Variants in HCN1 observed in about 807,000 individuals in gnomAD.
HCN1 encodes the protein potassium/sodium hyperpolarization-activated cyclic nucleotide-gated channel 1.
HCN1 carries 13 observed loss-of-function variants against 78.9 expected under a neutral mutation model. The ratio of observed to expected loss-of-function variants is 0.16; its 90% confidence interval spans 0.11 to 0.26. The LOEUF (loss-of-function observed/expected upper bound fraction) is 0.26, where lower values mean the gene tolerates loss of function less well. Ranked by LOEUF, HCN1 falls within the 10% of genes least tolerant of loss-of-function variation. The probability of loss-of-function intolerance (pLI) is 1.00; values close to 1 mark genes in which losing one functional copy is unlikely to be tolerated. For missense variants in HCN1, 810 were observed against 1,154.3 expected (o/e 0.70, Z 4.32); for synonymous variants, 552 against 455.5 (o/e 1.21, Z -2.70).
intron 1 of HCN1, among the ~76,000 whole-genome samples, chr5:45,657,811 C>G (rs893685018): frequency 6.6e-6 from 1 of 152,186 alleles, no homozygotes; most frequent in Non-Finnish European, 1.5e-5. Context: ...AATGGCCATA[C>G]TGCCCAAGGT....
At chr5:45,448,763 C>T (rs1012250045) in intron 3 of HCN1, among the ~76,000 whole-genome samples, 5 of 152,118 alleles carry the variant, frequency 3.3e-5, no homozygotes, top group African/African-American at 1.2e-4. Flanking sequence ...TCAACTCTAA[C>T]TCACACACAA....
chr5:45,303,817 C>G lies in HCN1; in HGVS notation c.1400G>C (p.Arg467Pro), dbSNP rs773990933. ...LREEIVNFNC[R>P]KLVATMPLFA... ...TAAAGGCATTGTAGCCACCAGTTTC[C>G]GACAGTTGAAGTTGACTATCTCCTA... The change falls in exon 6 of 8, where the codon CGG becomes CCG. Residue 467 changes from arginine (R) to proline (P), a missense_variant. Around this residue, in one of 6 missense-constraint regions of HCN1, gnomAD observed 100 missense variants for 126.8 expected, o/e 0.79. Transcript: ENST00000303230. 1.9e-6 allele frequency: 3 copies of G among 1,613,020 alleles called. No homozygotes were observed. The highest frequency in any genetic ancestry group is 1.7e-5 in the Admixed American group (1 of 59,870).
At chr5:45,689,899 A>G (rs940508153) in intron 1 of HCN1, among the ~76,000 whole-genome samples, 5 of 152,154 alleles carry the variant, frequency 3.3e-5, no homozygotes, top group African/African-American at 9.7e-5. Flanking sequence ...TGTAAATATC[A>G]TAACAGGAAT....
intron 5 of HCN1, among the ~76,000 whole-genome samples, chr5:45,335,297 CAT>C (rs1482794951): frequency 1.3e-5 from 2 of 152,036 alleles, no homozygotes; most frequent in South Asian, 2.1e-4. Flanking sequence ...AACAGGCACT[CAT>C]AAACAGAAGG....
intron 2 of HCN1, among the ~76,000 whole-genome samples, chr5:45,548,609 C>A (rs1449920471): frequency 6.6e-6 from 1 of 152,074 alleles, no homozygotes; most frequent in Non-Finnish European, 1.5e-5. Flanking sequence ...CCTCTCTCAC[C>A]ACTCCTATTC....
chr5:45,544,794 A>G (rs1356574639), intron 2 of HCN1, among the ~76,000 whole-genome samples: 2 of 151,842 alleles, frequency 1.3e-5, no homozygotes, highest in Non-Finnish European at 2.9e-5. Context: ...CTTTTTCATG[A>G]CTGCATAGTA....
intron 4 of HCN1, among the ~76,000 whole-genome samples, chr5:45,387,773 G>T (rs1747956552): frequency 6.6e-6 from 1 of 152,098 alleles, no homozygotes; most frequent in Non-Finnish European, 1.5e-5. Context: ...TCCCAGGGAT[G>T]CCTAAAACTG....
rs559232041 is a variant in HCN1 at position 45,393,982 on chromosome 5, A to G, written c.1230+2510T>C. On this transcript the variant is annotated intron_variant, in intron 4 of 7. Coordinates refer to ENST00000303230, the MANE Select transcript of HCN1 (RefSeq NM_021072.4). ...AGATTTTTCCTGATAGAACTAGTGAATACATTCCTTTTGAGAGAGAAGTTC... is the reference window on the plus strand; with the variant it reads ...AGATTTTTCCTGATAGAACTAGTGAGTACATTCCTTTTGAGAGAGAAGTTC... 3.9e-5 allele frequency among the ~76,000 whole-genome samples: 6 copies of G among 152,288 alleles called. No individual in the cohort carries two copies. In the South Asian group the frequency reaches 8.3e-4, roughly 21 times the overall value.
At chr5:45,294,061 C>A (rs1010421033) in intron 6 of HCN1, among the ~76,000 whole-genome samples, 2 of 151,916 alleles carry the variant, frequency 1.3e-5, no homozygotes, top group African/African-American at 4.8e-5. Flanking sequence ...TTGAGCTAAT[C>A]AAATTGTTAA....
chr5:45,311,123 T>A (rs1419427052), intron 5 of HCN1, among the ~76,000 whole-genome samples: 2 of 152,206 alleles, frequency 1.3e-5, no homozygotes, highest in Non-Finnish European at 2.9e-5. Flanking sequence ...CATGTTCATC[T>A]ATTTAACAAA....
rs138171911 is a variant in HCN1, at chr5:45,650,685, G to C, written c.426-5077C>G. Among the ~76,000 whole-genome samples, 518 of 152,046 alleles carry C rather than the reference G, an allele frequency of 3.4e-3. 2 individuals are homozygous for C. The highest frequency in any genetic ancestry group is 6.4e-3 in the Non-Finnish European group (434 of 67,914). ...ATAGGCCACTTATTTTTTATGTAGA[G>C]TGTATCTTCTCCCTATAGGTTTCTA... is the stretch of plus-strand genomic sequence containing the variant. On this transcript the variant is annotated intron_variant, in intron 1 of 7. Coordinates refer to ENST00000303230, the MANE Select transcript of HCN1 (RefSeq NM_021072.4).
At position 45,347,741 on chromosome 5, in the gene HCN1, G is replaced by A. The variant is rs530212054; in HGVS notation, c.1377+5359C>T. 5.6e-4 allele frequency among the ~76,000 whole-genome samples: 85 copies of A among 152,284 alleles called. 2 individuals are homozygous for A. Among genetic ancestry groups the A allele is most frequent in the Admixed American group, 3.1e-3 (47 of 15,298 alleles). On this transcript the variant is annotated intron_variant, in intron 5 of 7. Coordinates refer to ENST00000303230, the MANE Select transcript of HCN1 (RefSeq NM_021072.4). ...ATGCAGAAGCCTCAGGAGCCGATGC[G>A]ATCAACTGGAAGAAAGGGTATCAGT... is the stretch of plus-strand genomic sequence containing the variant.
At chr5:45,371,265 T>C (rs564317712) in intron 4 of HCN1, among the ~76,000 whole-genome samples, 81 of 151,752 alleles carry the variant, frequency 5.3e-4, no homozygotes, top group African/African-American at 1.9e-3. Flanking sequence ...AGACAGGAAA[T>C]AACCAAAATC....
At chr5:45,389,523 G>A (rs1747997635) in intron 4 of HCN1, among the ~76,000 whole-genome samples, 1 of 152,110 alleles carries the variant, frequency 6.6e-6, no homozygotes, top group South Asian at 2.1e-4. Context: ...ATGAGAGGAG[G>A]TACCATGTCT....
chr5:45,687,208 G>A (rs998314723), intron 1 of HCN1, among the ~76,000 whole-genome samples: 2 of 152,076 alleles, frequency 1.3e-5, no homozygotes, highest in Non-Finnish European at 2.9e-5. Context: ...CAATGGTGTT[G>A]TAAAGCTTCT....
chr5:45,496,902 G>C (rs1202692509), intron 2 of HCN1, among the ~76,000 whole-genome samples: 2 of 152,114 alleles, frequency 1.3e-5, no homozygotes, highest in Admixed American at 1.3e-4. Context: ...GGTATACTCT[G>C]TCTTTGTTCT....
At chr5:45,435,469 A>G (rs1426406850) in intron 3 of HCN1, among the ~76,000 whole-genome samples, 3 of 152,166 alleles carry the variant, frequency 2.0e-5, no homozygotes, top group Non-Finnish European at 4.4e-5. Context: ...CTGTTTGGTA[A>G]CTAGGTTCTA....
chr5:45,465,304 G>C (rs1421841917), intron 2 of HCN1, among the ~76,000 whole-genome samples: 2 of 152,086 alleles, frequency 1.3e-5, no homozygotes, highest in Admixed American at 6.6e-5. Flanking sequence ...CATCTTCTAA[G>C]TAACCTGACT....
chr5:45,682,290 C>CATATATATATATACATATATATATATAT (rs1340648040), intron 1 of HCN1, among the ~76,000 whole-genome samples: 1 of 52,756 alleles, frequency 1.9e-5, no homozygotes, highest in African/African-American at 6.6e-5. Flanking sequence ...TATATATATA[C>CATATATATATATACATATATATATATAT]ACATATATAT....
Sources: gnomAD v4.1 joint callset for allele counts (sites outside exome capture counted in the v4.1 genomes callset) on GRCh38, gnomAD v4.1.1 for gene constraint, gnomAD v4.1.1 regional missense constraint, MANE v1.5 for transcripts, NCBI Gene and HGNC (gene_info 2026-07-23, HGNC 2026-07-21) for gene names.